The following FOXP2 variants were observed in gnomAD, a reference collection of about 807,000 sequenced individuals.
FOXP2 encodes forkhead box P2, also known as forkhead box protein P2.
A neutral mutation model predicts 115.8 loss-of-function variants in FOXP2; 12 were observed. The observed-to-expected ratio is 0.10, with a 90% CI of 0.07 to 0.17. The LOEUF (loss-of-function observed/expected upper bound fraction) is 0.17, where lower values mean the gene tolerates loss of function less well. Among genes scored for constraint, FOXP2 ranks in the 10% least tolerant of loss-of-function variants. FOXP2 has a pLI of 1.00. For synonymous variants in FOXP2, 328 were observed against 297.7 expected (o/e 1.10, Z -1.05); for missense variants, 629 against 843.5 (o/e 0.75, Z 3.15).
At chr7:114,316,835 AT>A (rs200233177) in intron 2 of FOXP2, among the ~76,000 whole-genome samples, 30 of 150,900 alleles carry the variant, frequency 2.0e-4, no homozygotes, top group Admixed American at 8.6e-4. Context: ...AAACTTTCTA[AT>A]TTTTTTTTTA....
rs1794261534 is a variant in FOXP2, at chr7:114,434,633, T to A, written c.168+7954T>A. On this transcript the variant is annotated intron_variant, in intron 2 of 16. Transcript: ENST00000350908. ...AAAAATCTGACCAAATACTGTTGTTTTTCTAATTCTCCTTTTCTTATAGTC... is the reference window on the plus strand; with the variant it reads ...AAAAATCTGACCAAATACTGTTGTTATTCTAATTCTCCTTTTCTTATAGTC... 2.6e-5 allele frequency among the ~76,000 whole-genome samples: 4 copies of A among 152,014 alleles called. No individual in the cohort carries two copies. In the South Asian group the frequency reaches 8.3e-4, roughly 32 times the overall value.
intron 1 of FOXP2, among the ~76,000 whole-genome samples, chr7:114,285,181 A>G (rs1453571953): frequency 1.3e-5 from 2 of 152,136 alleles, no homozygotes; most frequent in African/African-American, 4.8e-5. Context: ...AAAATAAATA[A>G]TAAAATTAGT....
At chr7:114,448,281 T>A (rs114777422) in intron 2 of FOXP2, among the ~76,000 whole-genome samples, 6 of 152,292 alleles carry the variant, frequency 3.9e-5, no homozygotes, top group African/African-American at 1.2e-4. Flanking sequence ...AAAATCCAAA[T>A]GGATTTCTTG....
intron 2 of FOXP2, among the ~76,000 whole-genome samples, chr7:114,378,684 C>CAAAAAAAAAAA (rs398005920): frequency 0.014 from 244 of 18,046 alleles, 15 homozygotes; most frequent in African/African-American, 0.021. Flanking sequence ...ACCCTGTCTC[C>CAAAAAAAAAAA]AAAAAAAAAA....
chr7:114,129,351 C>T (rs1791810764), intron 1 of FOXP2, among the ~76,000 whole-genome samples: 1 of 152,126 alleles, frequency 6.6e-6, no homozygotes, highest in Admixed American at 6.5e-5. Flanking sequence ...CCTGGAAACA[C>T]AATTTGTATC....
rs981074517 is a variant in FOXP2, at chr7:114,545,624, T to C, written c.258+10918T>C. Among the ~76,000 whole-genome samples the C allele has an allele frequency of 3.9e-5, 6 of 152,200 alleles. No individual in the cohort carries two copies. The East Asian group carries it at 7.7e-4, about 20-fold the overall frequency. On this transcript the variant is annotated intron_variant, in intron 3 of 16. Transcript: ENST00000350908. ...ATAGTATCAATCAATAGATTGATAG[T>C]TGTCTGCTGCAATGGCTCTGGCACT...
At chr7:114,457,237 C>T (rs1795348546) in intron 2 of FOXP2, among the ~76,000 whole-genome samples, 1 of 152,094 alleles carries the variant, frequency 6.6e-6, no homozygotes. Context: ...AACTGTTTCA[C>T]TGTATATAAG....
At chr7:114,283,522 T>C (rs557168478) in intron 1 of FOXP2, among the ~76,000 whole-genome samples, 4 of 152,282 alleles carry the variant, frequency 2.6e-5, no homozygotes, top group East Asian at 3.9e-4. Flanking sequence ...TAAATGACAG[T>C]ATTTCTTTTA....
At chr7:114,295,521 T>C (rs924841409) in intron 2 of FOXP2, among the ~76,000 whole-genome samples, 11 of 152,244 alleles carry the variant, frequency 7.2e-5, no homozygotes, top group South Asian at 2.1e-4. Flanking sequence ...AGAGATACCA[T>C]GCAGCTTGAA....
intron 2 of FOXP2, among the ~76,000 whole-genome samples, chr7:114,524,856 G>T (rs1798788359): frequency 6.6e-6 from 1 of 152,008 alleles, no homozygotes; most frequent in South Asian, 2.1e-4. Flanking sequence ...CCTATACATT[G>T]GGTGTATTGT....
At chr7:114,666,028 T>C (rs1016675123) in intron 16 of FOXP2, 1 of 152,042 alleles carries the variant, frequency 6.6e-6, no homozygotes, top group Non-Finnish European at 1.5e-5. Flanking sequence ...ATTATTAAAG[T>C]TTATGAAATA....
intron 1 of FOXP2, among the ~76,000 whole-genome samples, chr7:114,134,756 A>T (rs1238127664): frequency 6.6e-6 from 1 of 152,082 alleles, no homozygotes; most frequent in East Asian, 1.9e-4. Context: ...CCAGCATAAT[A>T]GACATCTCCT....
At chr7:114,249,829 AG>A (rs748312658) in intron 1 of FOXP2, among the ~76,000 whole-genome samples, 5 of 151,620 alleles carry the variant, frequency 3.3e-5, no homozygotes, top group Non-Finnish European at 7.4e-5. Flanking sequence ...TTTAAGTTCT[AG>A]GGTACATGTG....
chr7:114,663,454 C>A lies in FOXP2; in HGVS notation c.1774C>A (p.Pro592Thr). The A allele has an allele frequency of 6.2e-7, 1 of 1,602,250 alleles. No individual in the cohort carries two copies. The highest frequency in any genetic ancestry group is 8.5e-7 in the Non-Finnish European group (1 of 1,171,870). ...KRRSQKITGSPTLVKNIPTSL... is the reference protein window; with the variant it reads ...KRRSQKITGSTTLVKNIPTSL... ...TTTATATATTTTTTTTTTCAGAAGT[C>A]CAACCTTAGTAAAAAATATACCTAC... Residue 592 changes from proline (P) to threonine (T), a missense_variant, in exon 15 of 17, where the codon CCA becomes ACA. By Grantham distance (38) the Pro-to-Thr change is conservative. This residue lies in a region of FOXP2 where 40 missense variants were observed against 75.3 expected (regional missense o/e 0.53). Coordinates refer to ENST00000350908, the MANE Select transcript of FOXP2 (RefSeq NM_014491.4).
intron 3 of FOXP2, among the ~76,000 whole-genome samples, chr7:114,552,276 A>G (rs73429363): frequency 8.1e-4 from 123 of 152,328 alleles, no homozygotes; most frequent in African/African-American, 2.7e-3. Flanking sequence ...GGTAAGAGAT[A>G]AGCCTCTGTG....
intron 2 of FOXP2, among the ~76,000 whole-genome samples, chr7:114,452,231 C>T (rs1354827995): frequency 6.6e-6 from 1 of 151,912 alleles, no homozygotes; most frequent in African/African-American, 2.4e-5. Flanking sequence ...CTCAATTGAA[C>T]TTATTCCTTC....
At chr7:114,139,129 A>G (rs1242849808) in intron 1 of FOXP2, among the ~76,000 whole-genome samples, 2 of 152,206 alleles carry the variant, frequency 1.3e-5, no homozygotes, top group Non-Finnish European at 2.9e-5. Context: ...AGAGCATACT[A>G]TAGACCAGGT....
chr7:114,089,566 T>C (rs969493603), intron 1 of FOXP2, among the ~76,000 whole-genome samples: 1 of 152,016 alleles, frequency 6.6e-6, no homozygotes, highest in African/African-American at 2.4e-5. Flanking sequence ...TACATTATGA[T>C]ATGAAGAGAT....
intron 3 of FOXP2, among the ~76,000 whole-genome samples, chr7:114,601,166 A>G (rs1338618723): frequency 1.3e-5 from 2 of 152,068 alleles, no homozygotes; most frequent in Admixed American, 1.3e-4. Flanking sequence ...GGGTTTCGCC[A>G]TGTTGGCTAG....
Sources: allele counts gnomAD v4.1 joint callset (sites outside exome capture counted in the v4.1 genomes callset), GRCh38; gene constraint gnomAD v4.1.1; regional missense constraint gnomAD v4.1.1; transcripts MANE v1.5; gene names NCBI Gene and HGNC (gene_info 2026-07-23, HGNC 2026-07-21).